Variants in SERPINF2 observed in about 807,000 individuals in gnomAD.
SERPINF2 encodes alpha-2-antiplasmin.
SERPINF2 carries 15 observed loss-of-function variants against 45.0 expected under a neutral mutation model. The observed-to-expected ratio is 0.33, with a 90% confidence interval of 0.22 to 0.51. SERPINF2 has a LOEUF of 0.51. Among genes scored for constraint, SERPINF2 ranks in the 20% least tolerant of loss-of-function variants. The pLI is 0.97. For synonymous variants in SERPINF2, 283 were observed against 277.9 expected, an observed-to-expected ratio of 1.02 and a Z score of -0.18; for missense variants, 518 against 637.4, an observed-to-expected ratio of 0.81 and a Z score of 2.02.
At chr17:1,746,743 A>G (rs577513788) in intron 5 of SERPINF2, among the ~76,000 whole-genome samples, 2 of 152,106 alleles carry the variant, frequency 1.3e-5, no homozygotes, top group South Asian at 4.1e-4. Flanking sequence ...GGTGATTCTT[A>G]TGCAAGAGTT....
chr17:1,754,680 T>A lies in SERPINF2; in HGVS notation c.*146T>A. 7 of 273,290 alleles carry A rather than the reference T, an allele frequency of 2.6e-5. No individual in the cohort carries two copies. Among genetic ancestry groups the A allele is most frequent in the East Asian group, 1.5e-4 (2 of 13,612 alleles). The allele number at this position is 273,290 out of a possible 1,614,324, so 16.9% of individuals were successfully genotyped here. ...CTTTCCCAACACCTCTTGGGGAGTTTAGGGTGGGGGGGGGGCGCGGCTGGG... is the reference window on the plus strand; with the variant it reads ...CTTTCCCAACACCTCTTGGGGAGTTAAGGGTGGGGGGGGGGCGCGGCTGGG... On this transcript the variant is annotated 3_prime_UTR_variant, in exon 10 of 10. Transcript: ENST00000453066.
intron 8 of SERPINF2, among the ~76,000 whole-genome samples, chr17:1,752,213 G>A (rs542257247): frequency 1.1e-4 from 16 of 152,192 alleles, no homozygotes; most frequent in Non-Finnish European, 1.9e-4. Flanking sequence ...CACCACAGAA[G>A]CCCAGCTCAT....
At position 1,745,341 on chromosome 17, in the gene SERPINF2, C is replaced by A. The variant is rs185025710; in HGVS notation, c.111C>A (p.Ser37Arg). ...CTTGCTCCTTTCCGCAGCTAACTAG[C>A]GGGCCGAACCAGGAGCAGGTGTCCC... ...AMEPLGRQLT[S>R]GPNQEQVSPL... The change falls in exon 4 of 10, where the codon AGC becomes AGA. Residue 37 changes from serine (S) to arginine (R), a missense_variant. Physicochemically the swap from Ser to Arg is moderately radical, Grantham distance 110. This residue lies in a region of SERPINF2 where 435 missense variants were observed against 577.3 expected (regional missense o/e 0.75). Coordinates refer to ENST00000453066, the MANE Select transcript of SERPINF2 (RefSeq NM_000934.4). This position sits in a 1 kb window ranked among gnomAD's most constrained non-coding sequence, Gnocchi z 6.2. 5.0e-6 allele frequency: 8 copies of A among 1,612,526 alleles called. No individual in the cohort carries two copies. The highest frequency in any genetic ancestry group is 1.3e-5 in the African/African-American group (1 of 74,726).
chr17:1,750,134 T>C (rs996973624), intron 8 of SERPINF2, among the ~76,000 whole-genome samples: 1 of 151,570 alleles, frequency 6.6e-6, no homozygotes, highest in African/African-American at 2.4e-5. Flanking sequence ...CCACCACGCC[T>C]GGCTAATTTT....
In SERPINF2 at chr17:1,747,796, T is replaced by C. The variant is rs182062385; in HGVS notation, c.715+284T>C. Among the ~76,000 whole-genome samples, 67 of 151,970 alleles carry C rather than the reference T, an allele frequency of 4.4e-4. No homozygotes were observed. In the East Asian group the frequency reaches 0.013, roughly 30 times the overall value. On this transcript the variant is annotated intron_variant, in intron 7 of 9. Transcript: ENST00000453066. ...CCAGGCTGGCCTTGAACTCCTGACCTCAGGTGATCCACCCACCTCGGCCTC... is the reference window on the plus strand; with the variant it reads ...CCAGGCTGGCCTTGAACTCCTGACCCCAGGTGATCCACCCACCTCGGCCTC...
chr17:1,743,699 G>A (rs1236449712), intron 1 of SERPINF2, among the ~76,000 whole-genome samples: 1 of 86,456 alleles, frequency 1.2e-5, no homozygotes, highest in African/African-American at 4.7e-5. Flanking sequence ...TGCATGATAA[G>A]AATGAAACTC....
intron 9 of SERPINF2, among the ~76,000 whole-genome samples, 164 bp from the exon 10 acceptor site, chr17:1,753,955 TGGA>T (rs941313553): frequency 6.6e-6 from 1 of 152,188 alleles, no homozygotes; most frequent in African/African-American, 2.4e-5. Context: ...GAAGGCTTCC[TGGA>T]GGAGGTGGTG....
At chr17:1,749,886 G>A (rs926390713) in intron 8 of SERPINF2, among the ~76,000 whole-genome samples, 2 of 152,200 alleles carry the variant, frequency 1.3e-5, no homozygotes, top group South Asian at 2.1e-4. Context: ...GAGATTCCAC[G>A]GGGCGCTCAC....
Position 1,744,052 on chromosome 17 carries a change from C to T in SERPINF2, c.-4-940C>T, listed in dbSNP as rs906657580. 2.0e-4 allele frequency among the ~76,000 whole-genome samples: 30 copies of T among 151,694 alleles called. No homozygotes were observed. The South Asian group carries it at 3.5e-3, about 18-fold the overall frequency. On this transcript the variant is annotated intron_variant, in intron 1 of 9. Coordinates refer to ENST00000453066, the MANE Select transcript of SERPINF2 (RefSeq NM_000934.4). ...CTGGGATTACAGGGGCCCACCACCACGCCTGGCTAATTTTGTATTTTCAGT... is the reference window on the plus strand; with the variant it reads ...CTGGGATTACAGGGGCCCACCACCATGCCTGGCTAATTTTGTATTTTCAGT...
intron 1 of SERPINF2, chr17:1,744,663 A>C (rs1412774475): frequency 1.0e-6 from 1 of 985,450 alleles, no homozygotes. Context: ...ATTCAGACAC[A>C]GATCTGATTC....
intron 1 of SERPINF2, chr17:1,744,674 A>G: frequency 1.0e-6 from 1 of 985,454 alleles, no homozygotes; most frequent in Non-Finnish European, 1.2e-6. Flanking sequence ...GATCTGATTC[A>G]CAGCGCAGGG....
In SERPINF2 at chr17:1,745,953, A is replaced by C. The variant is rs778725177; in HGVS notation, c.367+44A>C. 2 of 1,602,084 alleles carry C rather than the reference A, an allele frequency of 1.2e-6. No homozygotes were observed. Among genetic ancestry groups the C allele is most frequent in the East Asian group, 4.5e-5 (2 of 44,792 alleles). Reference sequence around the variant, plus strand: ...TCCAGACCAAGAGAGCTGGGAGGCCAGTAGGAACTCAGTACTCCAATGGTT... The same window carrying C: ...TCCAGACCAAGAGAGCTGGGAGGCCCGTAGGAACTCAGTACTCCAATGGTT... On this transcript the variant is annotated intron_variant, in intron 5 of 9. Transcript: ENST00000453066. The surrounding 1 kb of genome is among the most constrained non-coding windows in gnomAD (Gnocchi z 6.2).
At chr17:1,746,432 T>TC (rs1905833252) in intron 5 of SERPINF2, among the ~76,000 whole-genome samples, 1 of 151,030 alleles carries the variant, frequency 6.6e-6, no homozygotes, top group African/African-American at 2.4e-5. Flanking sequence ...CTGGTGATTT[T>TC]TTTTTTTTTT....
In SERPINF2 at chr17:1,745,016, C is replaced by T. The variant is rs751614553; in HGVS notation, c.21C>T (p.Leu7=). The change falls in exon 2 of 10, where the codon CTC becomes CTT. Residue 7 remains leucine, a synonymous_variant. Coordinates refer to ENST00000453066, the MANE Select transcript of SERPINF2 (RefSeq NM_000934.4). The surrounding 1 kb of genome is among the most constrained non-coding windows in gnomAD (Gnocchi z 6.2). Reference sequence around the variant, plus strand: ...GGAACATGGCGCTGCTCTGGGGGCTCCTGGTGCTCAGCTGGTCCTGCCTGC... The same window carrying T: ...GGAACATGGCGCTGCTCTGGGGGCTTCTGGTGCTCAGCTGGTCCTGCCTGC... MALLWG[L]LVLSWSCLQG... The T allele has an allele frequency of 2.5e-6, 4 of 1,613,704 alleles. No individual in the cohort carries two copies. The highest frequency in any genetic ancestry group is 3.3e-5 in the Admixed American group (2 of 59,976).
At chr17:1,750,351 A>G (rs904687239) in intron 8 of SERPINF2, among the ~76,000 whole-genome samples, 12 of 151,498 alleles carry the variant, frequency 7.9e-5, no homozygotes, top group Non-Finnish European at 1.6e-4. Context: ...GTTTCACCAT[A>G]TTGGCCAGGA....
At chr17:1,753,577 T>C (rs2151197443) in intron 9 of SERPINF2, among the ~76,000 whole-genome samples, 1 of 152,126 alleles carries the variant, frequency 6.6e-6, no homozygotes, top group East Asian at 1.9e-4. Context: ...TCCCAGCTAC[T>C]TGGGAGGCTG....
chr17:1,752,326 G>A (rs1906470831), intron 8 of SERPINF2, among the ~76,000 whole-genome samples: 1 of 152,144 alleles, frequency 6.6e-6, no homozygotes, highest in South Asian at 2.1e-4. Flanking sequence ...AAAGTGCTAG[G>A]ATTACAGGCG....
At position 1,747,510 on chromosome 17, in the gene SERPINF2, A is replaced by G. The variant is rs1905951793; in HGVS notation, c.713A>G (p.Gln238Arg). ...CTTCTCCTCAACGCCATCCACTTCC[A>G]GGGTGCGCTCCTCCTCCTCTCAGAT... ...VLLLLNAIHF[Q>R]GFWRNKFDPS... Residue 238 changes from glutamine (Q) to arginine (R), a missense_variant and splice_region_variant, in exon 7 of 10, where the codon CAG becomes CGG. Gln to Arg is a conservative substitution (Grantham distance 43). Coordinates refer to ENST00000453066, the MANE Select transcript of SERPINF2 (RefSeq NM_000934.4). 2 of 1,613,790 alleles carry G rather than the reference A, an allele frequency of 1.2e-6. No homozygotes were observed. The highest frequency in any genetic ancestry group is 1.7e-6 in the Non-Finnish European group (2 of 1,179,926).
Position 1,745,983 on chromosome 17 carries a change from G to T in SERPINF2, c.367+74G>T. ...GAACTCAGTACTCCAATGGTTCTCC[G>T]CGGGCGGTTCCTCCACCAGGGTCAC... On this transcript the variant is annotated intron_variant, in intron 5 of 9. Transcript: ENST00000453066. This position sits in a 1 kb window ranked among gnomAD's most constrained non-coding sequence, Gnocchi z 6.2. 3.3e-6 allele frequency: 5 copies of T among 1,520,952 alleles called. No homozygotes were observed. Among genetic ancestry groups the T allele is most frequent in the Non-Finnish European group, 4.6e-6 (5 of 1,096,552 alleles). The allele number at this position is 1,520,952 out of a possible 1,614,324, so 94.2% of individuals were successfully genotyped here. A position where few individuals can be genotyped will look rare whatever the true frequency, so the allele number is the denominator to read the frequency against.
Sources: gnomAD v4.1 joint callset for allele counts (sites outside exome capture counted in the v4.1 genomes callset) on GRCh38, gnomAD v4.1.1 for gene constraint, gnomAD v4.1.1 regional missense constraint, Gnocchi (gnomAD v3.1) non-coding constraint, MANE v1.5 for transcripts, NCBI Gene and HGNC (gene_info 2026-07-23, HGNC 2026-07-21) for gene names.